SEPTIN11: variants seen among roughly 807,000 people sequenced by gnomAD.
The protein encoded by SEPTIN11 is septin 11, also known as septin-11.
Under a neutral mutation model 51.4 loss-of-function variants are expected in SEPTIN11, and 25 were observed. The ratio of observed to expected loss-of-function variants is 0.49; its 90% CI spans 0.35 to 0.68. The LOEUF (loss-of-function observed/expected upper bound fraction) is 0.68, where lower values mean the gene tolerates loss of function less well. Among genes scored for constraint, SEPTIN11 ranks in the 30% least tolerant of loss-of-function variants. The probability of loss-of-function intolerance (pLI) is 0.00; values close to 1 mark genes in which losing one functional copy is unlikely to be tolerated. For missense variants in SEPTIN11, 381 were observed against 520.8 expected, an observed-to-expected ratio of 0.73 and a Z score of 2.61; for synonymous variants, 174 against 184.1, an observed-to-expected ratio of 0.95 and a Z score of 0.44.
chr4:76,962,573 T>C (rs1456456892), intron 1 of SEPTIN11, among the ~76,000 whole-genome samples: 1 of 152,234 alleles, frequency 6.6e-6, no homozygotes, highest in African/African-American at 2.4e-5. Context: ...ATGTCTCACT[T>C]GGCATTACCT....
intron 7 of SEPTIN11, among the ~76,000 whole-genome samples, chr4:77,023,211 C>T (rs1418065685): frequency 6.6e-6 from 1 of 151,154 alleles, no homozygotes; most frequent in East Asian, 1.9e-4. Context: ...CCCCTCCCCA[C>T]TTGGATCCAT....
intron 5 of SEPTIN11, among the ~76,000 whole-genome samples, chr4:77,015,309 C>A (rs1725144266): frequency 6.6e-6 from 1 of 152,210 alleles, no homozygotes; most frequent in African/African-American, 2.4e-5. Flanking sequence ...TCATAAAAAG[C>A]AGCTCAAAGG....
chr4:76,965,378 G>C (rs1721992745), intron 1 of SEPTIN11, among the ~76,000 whole-genome samples: 1 of 151,232 alleles, frequency 6.6e-6, no homozygotes, highest in Non-Finnish European at 1.5e-5. Context: ...TTGAACCTCG[G>C]AGGCAGAGGC....
intron 3 of SEPTIN11, among the ~76,000 whole-genome samples, chr4:77,010,923 T>A (rs1470886087): frequency 6.6e-6 from 1 of 152,242 alleles, no homozygotes; most frequent in African/African-American, 2.4e-5. Context: ...GTTTATGGAA[T>A]GTGTATCCCC....
In SEPTIN11 at chr4:77,035,047, AC is replaced by A; in HGVS notation, c.*538del. ...TGAGCAAGCATTATATTTTATTTTT[AC>A]CCTTGCATGACATTTTCATTTTAAT... On this transcript the variant is annotated 3_prime_UTR_variant, in exon 10 of 10. Coordinates refer to ENST00000264893, the MANE Select transcript of SEPTIN11 (RefSeq NM_018243.4). The A allele has an allele frequency of 1.0e-6, 1 of 985,322 alleles. No individual in the cohort carries two copies. The highest frequency in any genetic ancestry group is 1.2e-6 in the Non-Finnish European group (1 of 829,932). The allele number at this position is 985,322 out of a possible 1,614,324, so 61.0% of individuals were successfully genotyped here.
rs1168798778 is a variant in SEPTIN11, at chr4:76,949,804, G to C, written c.-100G>C. ...ACGCCGGCGAGCAGAGCGCAGCCGC[G>C]AGGGAGGCGCGAGGGAGGCGAGCCG... is the stretch of plus-strand genomic sequence containing the variant. On this transcript the variant is annotated 5_prime_UTR_variant, in exon 1 of 10. Transcript: ENST00000264893. The C allele has an allele frequency of 1.5e-6, 2 of 1,325,762 alleles. No individual in the cohort carries two copies. The highest frequency in any genetic ancestry group is 2.1e-6 in the Non-Finnish European group (2 of 975,016). 82.1% of individuals were successfully genotyped at this position (1,325,762 alleles called of 1,614,324 possible).
At chr4:76,957,407 C>CGGTTCTA (rs1553966639) in intron 1 of SEPTIN11, among the ~76,000 whole-genome samples, 1 of 151,938 alleles carries the variant, frequency 6.6e-6, no homozygotes, top group Admixed American at 6.6e-5. Flanking sequence ...CAGGTTGCTC[C>CGGTTCTA]GGTTCTAGAG....
intron 1 of SEPTIN11, among the ~76,000 whole-genome samples, chr4:76,981,435 A>G (rs541411484): frequency 6.6e-6 from 1 of 152,344 alleles, no homozygotes; most frequent in East Asian, 1.9e-4. Flanking sequence ...TTGAGAAAAG[A>G]GGAAAATTGT....
At chr4:76,990,717 T>C (rs940877002) in intron 1 of SEPTIN11, among the ~76,000 whole-genome samples, 2 of 152,214 alleles carry the variant, frequency 1.3e-5, no homozygotes, top group Admixed American at 6.5e-5. Flanking sequence ...AACTGGTCCC[T>C]GGTGCCACAA....
intron 2 of SEPTIN11, among the ~76,000 whole-genome samples, chr4:77,001,345 A>G (rs974833065): frequency 4.8e-5 from 6 of 124,466 alleles, no homozygotes; most frequent in Admixed American, 2.7e-4. Context: ...TTTGTTTTCA[A>G]TTAACTTTTT....
chr4:76,996,736 A>G lies in SEPTIN11; in HGVS notation c.142+197A>G, dbSNP rs189513152. On this transcript the variant is annotated intron_variant, in intron 2 of 9. Coordinates refer to ENST00000264893, the MANE Select transcript of SEPTIN11 (RefSeq NM_018243.4). Reference sequence around the variant, plus strand: ...AGCTGTATTTAGGTAAATGCGTTGTATGTTTTGTCATGTTACTCAAATTAC... The same window carrying G: ...AGCTGTATTTAGGTAAATGCGTTGTGTGTTTTGTCATGTTACTCAAATTAC... Among the ~76,000 whole-genome samples, 242 of 152,314 alleles carry G rather than the reference A, an allele frequency of 1.6e-3. 5 individuals are homozygous for G. In the South Asian group the frequency reaches 0.032, roughly 20 times the overall value.
Position 77,034,785 on chromosome 4 carries a change from A to G in SEPTIN11, c.*273A>G. 2 of 1,149,472 alleles carry G rather than the reference A, an allele frequency of 1.7e-6. No individual in the cohort carries two copies. The highest frequency in any genetic ancestry group is 2.1e-6 in the Non-Finnish European group (2 of 935,418). 71.2% of individuals were successfully genotyped at this position (1,149,472 alleles called of 1,614,324 possible). On this transcript the variant is annotated 3_prime_UTR_variant, in exon 10 of 10. Coordinates refer to ENST00000264893, the MANE Select transcript of SEPTIN11 (RefSeq NM_018243.4). ...ATGCCTGTTCTGAATGGCAGCACGA[A>G]GCAGGCCTGTTACTTGTATGTCGCT...
chr4:76,993,129 G>T (rs1039499114), intron 1 of SEPTIN11, among the ~76,000 whole-genome samples: 1 of 152,154 alleles, frequency 6.6e-6, no homozygotes, highest in Admixed American at 6.5e-5. Flanking sequence ...ATAGAAATGT[G>T]GAGGATGTAG....
At chr4:77,025,358 G>C (rs1187515419) in intron 7 of SEPTIN11, among the ~76,000 whole-genome samples, 1 of 151,976 alleles carries the variant, frequency 6.6e-6, no homozygotes, top group East Asian at 1.9e-4. Context: ...GCAACATAGG[G>C]AGACTTCATC....
intron 7 of SEPTIN11, among the ~76,000 whole-genome samples, chr4:77,026,752 C>T (rs1360478389): frequency 2.0e-5 from 3 of 152,180 alleles, no homozygotes; most frequent in Non-Finnish European, 4.4e-5. Flanking sequence ...ACTGAGTTTT[C>T]TGTAAAATTT....
At chr4:77,011,590 A>G (rs1487530450) in intron 3 of SEPTIN11, 145 bp from the exon 4 acceptor site, 2 of 644,976 alleles carry the variant, frequency 3.1e-6, no homozygotes, top group African/African-American at 3.7e-5. Context: ...AGCGCTGTTC[A>G]GGGATCAGGT....
At chr4:76,966,671 C>T (rs769712077) in intron 1 of SEPTIN11, among the ~76,000 whole-genome samples, 3 of 149,654 alleles carry the variant, frequency 2.0e-5, no homozygotes, top group Non-Finnish European at 3.0e-5. Context: ...AGACCAGCCC[C>T]GGCAACATGG....
chr4:77,005,872 A>G, intron 3 of SEPTIN11, 76 bp downstream of exon 3: 1 of 1,393,470 alleles, frequency 7.2e-7, no homozygotes, highest in Non-Finnish European at 9.9e-7. Flanking sequence ...TTTAAAGGCC[A>G]AATGTTTTGG....
At chr4:76,973,907 C>T (rs114083288) in intron 1 of SEPTIN11, among the ~76,000 whole-genome samples, 26 of 152,292 alleles carry the variant, frequency 1.7e-4, no homozygotes, top group African/African-American at 5.3e-4. Flanking sequence ...ATTTCCAGAG[C>T]GGTGGTCCTG....
Sources: gnomAD v4.1 joint callset for allele counts (sites outside exome capture counted in the v4.1 genomes callset) on GRCh38, gnomAD v4.1.1 for gene constraint, MANE v1.5 for transcripts, NCBI Gene and HGNC (gene_info 2026-07-23, HGNC 2026-07-21) for gene names.